Variants in DUOX2 observed in about 807,000 individuals in gnomAD.
DUOX2 encodes the protein NADH/NADPH thyroid oxidase p138-tox.
In DUOX2, 185 loss-of-function variants were observed where a neutral mutation model predicts 183.3. The ratio of observed to expected loss-of-function variants is 1.01; its 90% CI spans 0.90 to 1.14. The LOEUF is 1.14. Ranked by LOEUF, DUOX2 falls within the 50% of genes most tolerant of loss-of-function variation. The pLI is 0.00. For synonymous variants in DUOX2, 788 were observed against 812.4 expected, an observed-to-expected ratio of 0.97 and a Z score of 0.51; for missense variants, 1,999 against 2,022.9, an observed-to-expected ratio of 0.99 and a Z score of 0.23.
chr15:45,101,323 G>A, intron 21 of DUOX2, 49 bp from the exon 22 acceptor site: 1 of 1,518,118 alleles, frequency 6.6e-7, no homozygotes, highest in Non-Finnish European at 9.1e-7. Context: ...AAGGGCAGTG[G>A]GGTAGGATGG....
intron 23 of DUOX2, 99 bp downstream of exon 23, chr15:45,100,656 G>C: frequency 3.0e-6 from 3 of 1,005,096 alleles, no homozygotes; most frequent in Non-Finnish European, 4.8e-6. Context: ...ATGAGACTCA[G>C]GATGGTCGCT....
chr15:45,112,849 C>T (rs1894482009), intron 3 of DUOX2, 131 bp from the exon 4 acceptor site: 4 of 1,548,700 alleles, frequency 2.6e-6, no homozygotes, highest in Non-Finnish European at 3.5e-6. Context: ...CTCTTGGCCC[C>T]GGGAGCGCAT....
At position 45,110,479 on chromosome 15, in the gene DUOX2, A is replaced by T. The variant is rs778178479; in HGVS notation, c.989T>A (p.Val330Glu). 9.9e-6 allele frequency: 16 copies of T among 1,614,010 alleles called. No homozygotes were observed. Among genetic ancestry groups the T allele is most frequent in the Non-Finnish European group, 1.4e-5 (16 of 1,180,014 alleles). The change falls in exon 9 of 34, where the codon GTG (valine) becomes GAG (glutamate). Residue 330 changes from valine (V) to glutamate (E), a missense_variant. By Grantham distance (121) the Val-to-Glu change is moderately radical. Around this residue, in one of 3 missense-constraint regions of DUOX2, gnomAD observed 1,628 missense variants for 1,608.6 expected, o/e 1.01. Coordinates refer to ENST00000389039, the MANE Select transcript of DUOX2 (RefSeq NM_001363711.2). ...LDPSISPEFV[V>E]ASEQFFSTMV... ...GGTAGAGAAGAACTGCTCAGAGGCC[A>T]CCACAAATTCCGGGGAGATGCTGGG...
chr15:45,104,627 G>C (rs533864185), intron 18 of DUOX2, among the ~76,000 whole-genome samples: 1 of 152,170 alleles, frequency 6.6e-6, no homozygotes, highest in South Asian at 2.1e-4. Context: ...GGTAGGGAAG[G>C]GGAAGGGCGA....
In DUOX2 at chr15:45,095,960, G is replaced by T. The variant is rs766619891; in HGVS notation, c.3948C>A (p.His1316Gln). ...GGGGCGCGGAGGTCAGTGTGAAGGG[G>T]TGGTACTCGGTGGTCCCCAGAGCCA... ...ACLALGTTEY[H>Q]PFTLTSAPHE... Residue 1316 changes from histidine to glutamine, a missense_variant, in exon 30 of 34, where the codon CAC becomes CAA. Transcript: ENST00000389039. 2.5e-6 allele frequency: 4 copies of T among 1,614,128 alleles called. No individual in the cohort carries two copies. Among genetic ancestry groups the T allele is most frequent in the Non-Finnish European group, 2.5e-6 (3 of 1,180,010 alleles).
intron 27 of DUOX2, 102 bp from the exon 28 acceptor site, chr15:45,097,843 C>T (rs1893946744): frequency 1.3e-6 from 2 of 1,597,312 alleles, no homozygotes; most frequent in Admixed American, 3.4e-5. Context: ...CCTCTCTCAT[C>T]CCTCCGGGGC....
chr15:45,095,808 G>A lies in DUOX2; in HGVS notation c.4080+20C>T. 6.2e-7 allele frequency: 1 copy of A among 1,608,014 alleles called. No individual in the cohort carries two copies. Among genetic ancestry groups the A allele is most frequent in the Non-Finnish European group, 8.5e-7 (1 of 1,175,030 alleles). ...TGCCAGTGCCAGAGGCCCGGAAGCAGGGTTCCCAGTGACGGGCACCTTTGG... is the reference window on the plus strand; with the variant it reads ...TGCCAGTGCCAGAGGCCCGGAAGCAAGGTTCCCAGTGACGGGCACCTTTGG... On this transcript the variant is annotated intron_variant, in intron 30 of 33. Coordinates refer to ENST00000389039, the MANE Select transcript of DUOX2 (RefSeq NM_001363711.2).
Position 45,110,657 on chromosome 15 carries a change from C to T in DUOX2, c.936G>A (p.Glu312=). The change falls in exon 8 of 34, where the codon GAG becomes GAA. Residue 312 remains glutamate (E), a synonymous_variant. Transcript: ENST00000389039. The part of the protein sequence containing the change: ...LPSFLQKTLP[E]YTGYRPFLDP... ...CCTTCCCCGCTCCCTCACCTGTATACTCCGGGAGTGTTTTCTGCAGGAAGC... is the reference window on the plus strand; with the variant it reads ...CCTTCCCCGCTCCCTCACCTGTATATTCCGGGAGTGTTTTCTGCAGGAAGC... 6.2e-7 allele frequency: 1 copy of T among 1,613,002 alleles called. No individual in the cohort carries two copies. Among genetic ancestry groups the T allele is most frequent in the Non-Finnish European group, 8.5e-7 (1 of 1,179,986 alleles).
Position 45,111,992 on chromosome 15 carries a change from C to A in DUOX2, c.326-37G>T, listed in dbSNP as rs756633201. ...GGGCGCCAATACGTGACAAACCGTC[C>A]GTATTGCGCCCTCCCCACGGCCAGG... On this transcript the variant is annotated intron_variant, in intron 4 of 33. Transcript: ENST00000389039. The A allele has an allele frequency of 1.3e-5, 21 of 1,607,226 alleles. No individual in the cohort carries two copies. The African/African-American group carries it at 2.7e-4, about 20-fold the overall frequency.
intron 29 of DUOX2, among the ~76,000 whole-genome samples, 184 bp downstream of exon 29, chr15:45,097,054 C>T (rs577997708): frequency 1.5e-4 from 23 of 152,348 alleles, no homozygotes; most frequent in African/African-American, 5.0e-4. Flanking sequence ...CTAAGCACAG[C>T]CCTTTCTGGG....
chr15:45,112,203 GT>G (rs1399160921), intron 4 of DUOX2, among the ~76,000 whole-genome samples: 49 of 152,298 alleles, frequency 3.2e-4, no homozygotes. Flanking sequence ...TTATGTAGGG[GT>G]ACCCCAAGTC....
In DUOX2 at chr15:45,097,357, A is replaced by G. The variant is rs761844122; in HGVS notation, c.3728T>C (p.Leu1243Pro). 9 of 1,614,268 alleles carry G rather than the reference A, an allele frequency of 5.6e-6. No individual in the cohort carries two copies. The South Asian group carries it at 6.6e-5, about 12-fold the overall frequency. Residue 1243 changes from leucine to proline, a missense_variant, in exon 29 of 34, where the codon CTG (leucine) becomes CCG (proline). By Grantham distance (98) the Leu-to-Pro change is moderately conservative (BLOSUM62 -3). Transcript: ENST00000389039. ...IIHGSYALIQ[L>P]PTFHIYFLVP... The stretch of plus-strand genomic sequence containing the variant: ...CAGGAAGTAGATGTGGAAAGTGGGC[A>G]GCTGGATCAGAGCATAGCTGCCATG...
In DUOX2 at chr15:45,111,798, G is replaced by T; in HGVS notation, c.483C>A (p.Thr161=). 2 of 1,611,352 alleles carry T rather than the reference G, an allele frequency of 1.2e-6. No homozygotes were observed. The highest frequency in any genetic ancestry group is 1.3e-5 in the African/African-American group (1 of 75,008). The change falls in exon 5 of 34, where the codon ACC becomes ACA. Residue 161 remains threonine (T), a synonymous_variant. Transcript: ENST00000389039. ...CCCGGGGGTTGCTGGGACTCCGTCC[G>T]GTCTCGGGGTCCCAGCGGCTCCTCT... ...PFQRSRWDPE[T]GRSPSNPRDL...
chr15:45,104,100 C>A (rs768798331), intron 19 of DUOX2, 40 bp downstream of exon 19: 15 of 1,614,042 alleles, frequency 9.3e-6, no homozygotes, highest in Middle Eastern at 1.6e-4. Flanking sequence ...CTGAAAGACC[C>A]CTGGATTCTT....
intron 9 of DUOX2, 54 bp from the exon 10 acceptor site, chr15:45,110,034 G>A: frequency 2.6e-6 from 4 of 1,536,534 alleles, no homozygotes; most frequent in Middle Eastern, 3.4e-4. Context: ...AATCAAAGAT[G>A]GGGTTGAGTG....
intron 11 of DUOX2, 62 bp from the exon 12 acceptor site, chr15:45,109,014 C>T: frequency 6.3e-7 from 1 of 1,598,230 alleles, no homozygotes; most frequent in South Asian, 1.1e-5. Flanking sequence ...TGCCCTGCAG[C>T]CTTGTATCTG....
chr15:45,104,374 G>C lies in DUOX2; in HGVS notation c.2335-9C>G. 1 of 1,612,704 alleles carries C rather than the reference G, an allele frequency of 6.2e-7. No individual in the cohort carries two copies. The highest frequency in any genetic ancestry group is 8.5e-7 in the Non-Finnish European group (1 of 1,179,436). The stretch of plus-strand genomic sequence containing the variant: ...TGGTTGATGTCCAGCACCTGCACTC[G>C]GGCAGCAGCAGAGGGAGGGAAAGAG... On this transcript the variant is annotated splice_polypyrimidine_tract_variant and intron_variant, in intron 18 of 33. Transcript: ENST00000389039.
chr15:45,094,800 G>A, intron 32 of DUOX2, 109 bp from the exon 33 acceptor site: 1 of 1,596,424 alleles, frequency 6.3e-7, no homozygotes, highest in South Asian at 1.1e-5. Context: ...GGAGCTGGAG[G>A]CTGAGGATCA....
At position 45,111,588 on chromosome 15, in the gene DUOX2, G is replaced by A; in HGVS notation, c.514-3C>T. On this transcript the variant is annotated splice_region_variant and splice_polypyrimidine_tract_variant and intron_variant, in intron 5 of 33. Transcript: ENST00000389039. ...AGCCAGCCCGTCACCTGGTTGGCCT[G>A]CGGGGCACGCGGCGGGTGAGCCCGG... 1.3e-6 allele frequency: 2 copies of A among 1,532,684 alleles called. No homozygotes were observed. Among genetic ancestry groups the A allele is most frequent in the Non-Finnish European group, 1.7e-6 (2 of 1,144,852 alleles). The allele number at this position is 1,532,684 out of a possible 1,614,324, so 94.9% of individuals were successfully genotyped here. A position where few individuals can be genotyped will look rare whatever the true frequency, so the allele number is the denominator to read the frequency against.
Sources: gnomAD v4.1 joint callset for allele counts (sites outside exome capture counted in the v4.1 genomes callset) on GRCh38, gnomAD v4.1.1 for gene constraint, gnomAD v4.1.1 regional missense constraint, MANE v1.5 for transcripts, NCBI Gene and HGNC (gene_info 2026-07-23, HGNC 2026-07-21) for gene names.